The following TMEM131L variants were observed in gnomAD, a reference collection of about 807,000 sequenced individuals.
TMEM131L encodes transmembrane 131 like.
In TMEM131L, 54 loss-of-function variants were observed where a neutral mutation model predicts 192.2. That is an observed-to-expected ratio of 0.28 (90% CI 0.23 to 0.35). TMEM131L has a LOEUF of 0.35. Among genes scored for constraint, TMEM131L ranks in the 10% least tolerant of loss-of-function variants. The pLI, the probability that TMEM131L is intolerant of heterozygous loss-of-function variation, is 1.00. For synonymous variants in TMEM131L, 701 were observed against 704.9 expected, an observed-to-expected ratio of 0.99 and a Z score of 0.09; for missense variants, 1,888 against 1,972.9, an observed-to-expected ratio of 0.96 and a Z score of 0.82.
chr4:153,475,308 T>C (rs780600935), intron 3 of TMEM131L, among the ~76,000 whole-genome samples: 1 of 152,074 alleles, frequency 6.6e-6, no homozygotes, highest in East Asian at 1.9e-4. Context: ...CTTTTAATGA[T>C]GGCTCACTGT....
chr4:153,480,242 G>A (rs1208681556), intron 3 of TMEM131L, among the ~76,000 whole-genome samples: 2 of 152,196 alleles, frequency 1.3e-5, no homozygotes, highest in Non-Finnish European at 2.9e-5. Context: ...GGGAGGCTGA[G>A]GCAGGAGAAT....
chr4:153,496,141 A>T (rs1733154107), intron 3 of TMEM131L, among the ~76,000 whole-genome samples: 1 of 152,236 alleles, frequency 6.6e-6, no homozygotes, highest in Non-Finnish European at 1.5e-5. Context: ...GCATCAAAAT[A>T]GATTAGGCTA....
At chr4:153,561,757 C>T (rs995005086) in intron 7 of TMEM131L, among the ~76,000 whole-genome samples, 4 of 152,114 alleles carry the variant, frequency 2.6e-5, no homozygotes, top group African/African-American at 7.2e-5. Context: ...TAAGGCTGCT[C>T]CTTTTGCCCA....
intron 4 of TMEM131L, among the ~76,000 whole-genome samples, chr4:153,551,804 G>T (rs1181508230): frequency 2.0e-5 from 3 of 152,186 alleles, no homozygotes; most frequent in African/African-American, 7.2e-5. Context: ...TGTAAAGAAA[G>T]TTTAATAGAA....
Position 153,573,653 on chromosome 4 carries a change from A to G in TMEM131L, c.661-7173A>G, listed in dbSNP as rs911811466. Among the ~76,000 whole-genome samples the G allele has an allele frequency of 7.2e-5, 11 of 152,216 alleles. No homozygotes were observed. In the South Asian group the frequency reaches 8.3e-4, roughly 11 times the overall value. ...GTACAGGGGTTATCTTAGTCTCCCA[A>G]TTGTTTTTTGTCTGTCTTTCAGGGT... is the stretch of plus-strand genomic sequence containing the variant. On this transcript the variant is annotated intron_variant, in intron 7 of 34. Transcript: ENST00000409959.
chr4:153,597,681 T>G (rs1012764557), intron 20 of TMEM131L, among the ~76,000 whole-genome samples: 2 of 152,208 alleles, frequency 1.3e-5, no homozygotes, highest in African/African-American at 4.8e-5. Context: ...GCCTGGAATC[T>G]CAGCACTTTG....
At chr4:153,498,513 C>T (rs575786151) in intron 3 of TMEM131L, among the ~76,000 whole-genome samples, 4 of 152,238 alleles carry the variant, frequency 2.6e-5, no homozygotes, top group African/African-American at 4.8e-5. Context: ...CATGGCTAAT[C>T]GCACTATGTG....
chr4:153,515,264 C>T (rs1396050939), intron 3 of TMEM131L, among the ~76,000 whole-genome samples: 1 of 152,212 alleles, frequency 6.6e-6, no homozygotes, highest in African/African-American at 2.4e-5. Flanking sequence ...GCCACCACTC[C>T]ATTCCCCTGA....
intron 3 of TMEM131L, among the ~76,000 whole-genome samples, chr4:153,528,753 A>G (rs2150212637): frequency 6.6e-6 from 1 of 152,288 alleles, no homozygotes; most frequent in East Asian, 1.9e-4. Context: ...CCTAATAGAA[A>G]TAGTCTTGGG....
rs200842000 is a variant in TMEM131L at position 153,532,445 on chromosome 4, T to A, written c.240-17628T>A. 8.8e-4 allele frequency among the ~76,000 whole-genome samples: 131 copies of A among 148,282 alleles called. 2 individuals carry two copies. The East Asian group carries it at 0.016, about 18-fold the overall frequency. ...CTTACTTGCTATTAGTGCTTTTTTT[T>A]TAAAAAAAAAAAAAGCTTTATTGAG... On this transcript the variant is annotated intron_variant, in intron 3 of 34. Transcript: ENST00000409959.
intron 3 of TMEM131L, among the ~76,000 whole-genome samples, chr4:153,480,428 G>A (rs564327491): frequency 6.1e-4 from 91 of 149,374 alleles, no homozygotes; most frequent in African/African-American, 2.2e-3. Flanking sequence ...GCTGAGGCAG[G>A]AGAAGTGCTT....
chr4:153,602,465 A>C, intron 22 of TMEM131L, 77 bp from the exon 23 acceptor site: 1 of 1,524,112 alleles, frequency 6.6e-7, no homozygotes, highest in Admixed American at 1.7e-5. Flanking sequence ...TAGGAGTATG[A>C]TGTGTTGTCA....
At chr4:153,546,373 A>G (rs899608833) in intron 3 of TMEM131L, among the ~76,000 whole-genome samples, 41 of 152,184 alleles carry the variant, frequency 2.7e-4, no homozygotes, top group African/African-American at 9.4e-4. Flanking sequence ...GGTCTTTGAC[A>G]TACATGAATC....
At chr4:153,548,461 C>T (rs542104082) in intron 3 of TMEM131L, among the ~76,000 whole-genome samples, 8 of 152,036 alleles carry the variant, frequency 5.3e-5, no homozygotes, top group South Asian at 2.1e-4. Context: ...CCCGCCACCA[C>T]GCCCAGCTAA....
intron 3 of TMEM131L, among the ~76,000 whole-genome samples, chr4:153,494,625 C>T (rs1159110735): frequency 1.3e-5 from 2 of 152,168 alleles, no homozygotes; most frequent in Admixed American, 1.3e-4. Flanking sequence ...GTCCTGAGCA[C>T]CGTGAACCGA....
intron 10 of TMEM131L, 82 bp from the exon 11 acceptor site, chr4:153,583,482 T>A (rs567183909): frequency 2.1e-6 from 2 of 965,376 alleles, no homozygotes; most frequent in Non-Finnish European, 3.4e-6. Context: ...TGGTCTGTGC[T>A]ATTTATTCTA....
At chr4:153,525,936 AG>A in intron 3 of TMEM131L, among the ~76,000 whole-genome samples, 1 of 151,864 alleles carries the variant, frequency 6.6e-6, no homozygotes, top group Non-Finnish European at 1.5e-5. Flanking sequence ...GGCTCACTGC[AG>A]CCTCTGCCTC....
intron 3 of TMEM131L, among the ~76,000 whole-genome samples, chr4:153,516,984 G>GTATTACA (rs1734781609): frequency 1.3e-5 from 2 of 152,040 alleles, no homozygotes; most frequent in Non-Finnish European, 2.9e-5. Context: ...GCGCCACCAT[G>GTATTACA]CCTGGCTAAT....
rs1289168651 is a variant in TMEM131L at position 153,512,094 on chromosome 4, T to TTCA, written c.240-37979_240-37978insTCA. Among the ~76,000 whole-genome samples, 5 of 99,878 alleles carry TTCA rather than the reference T, an allele frequency of 5.0e-5. No individual in the cohort carries two copies. The East Asian group carries it at 1.7e-3, about 33-fold the overall frequency. The allele number at this position is 99,878 out of a possible 152,430, so 65.5% of individuals were successfully genotyped here. The stretch of plus-strand genomic sequence containing the variant: ...AATGATGTACTGTTTCCAACTCTTT[T>TTCA]GAAAGAGTTTGTTCATTTATTTTTT... On this transcript the variant is annotated intron_variant, in intron 3 of 34. Coordinates refer to ENST00000409959, the MANE Select transcript of TMEM131L (RefSeq NM_001131007.2).
Sources: allele counts gnomAD v4.1 joint callset (sites outside exome capture counted in the v4.1 genomes callset), GRCh38; gene constraint gnomAD v4.1.1; transcripts MANE v1.5; gene names NCBI Gene and HGNC (gene_info 2026-07-23, HGNC 2026-07-21).